Variants in CDKAL1 observed in about 807,000 individuals in gnomAD.
The protein encoded by CDKAL1 is threonylcarbamoyladenosine tRNA methylthiotransferase.
Under a neutral mutation model 68.2 loss-of-function variants are expected in CDKAL1, and 32 were observed. That is an observed-to-expected ratio of 0.47 (90% confidence interval 0.35 to 0.63). The LOEUF is 0.63. CDKAL1 is among the 30% of genes least tolerant of loss of function. The pLI, the probability that CDKAL1 is intolerant of heterozygous loss-of-function variation, is 0.00. For missense variants in CDKAL1, 606 were observed against 696.7 expected, an observed-to-expected ratio of 0.87 and a Z score of 1.47; for synonymous variants, 234 against 244.3, an observed-to-expected ratio of 0.96 and a Z score of 0.39.
At chr6:20,540,935 C>T (rs58761454) in intron 2 of CDKAL1, among the ~76,000 whole-genome samples, 35,734 of 152,060 alleles carry the variant, frequency 0.23, 5,116 homozygotes, top group East Asian at 0.53. Context: ...GTGCCTGAAA[C>T]TAGAGAAGAG....
At chr6:20,740,374 C>A (rs1029613538) in intron 6 of CDKAL1, among the ~76,000 whole-genome samples, 8 of 151,978 alleles carry the variant, frequency 5.3e-5, no homozygotes, top group African/African-American at 1.9e-4. Flanking sequence ...AGACTACTGT[C>A]TATTCTCTCT....
chr6:20,841,912 C>T (rs915455477), intron 8 of CDKAL1, among the ~76,000 whole-genome samples: 5 of 152,338 alleles, frequency 3.3e-5, no homozygotes, highest in South Asian at 2.1e-4. Context: ...TTTATCCTTG[C>T]ATCAGGACAG....
chr6:20,661,750 A>G (rs893541826), intron 5 of CDKAL1, among the ~76,000 whole-genome samples: 1 of 152,150 alleles, frequency 6.6e-6, no homozygotes, highest in African/African-American at 2.4e-5. Flanking sequence ...GAAGACTAGT[A>G]TTTTGCATAT....
At chr6:20,613,656 T>C (rs181800759) in intron 4 of CDKAL1, among the ~76,000 whole-genome samples, 16 of 148,534 alleles carry the variant, frequency 1.1e-4, no homozygotes, top group African/African-American at 3.9e-4. Context: ...ACAGTAAATA[T>C]TTATATATTT....
rs991384827 is a variant in CDKAL1 at position 20,900,105 on chromosome 6, A to G, written c.742+53927A>G. 4.1e-4 allele frequency among the ~76,000 whole-genome samples: 63 copies of G among 152,312 alleles called. 1 individual carries two copies. The highest frequency in any genetic ancestry group is 1.4e-3 in the African/African-American group (58 of 41,580). On this transcript the variant is annotated intron_variant, in intron 9 of 15. Coordinates refer to ENST00000274695, the MANE Select transcript of CDKAL1 (RefSeq NM_017774.3). ...CACCTTCTCAGTATTCTAGTCTTCA[A>G]CTTTTTACCCGTAATAACTTTTATT...
chr6:20,817,897 C>T (rs1777111443), intron 8 of CDKAL1, among the ~76,000 whole-genome samples: 1 of 152,124 alleles, frequency 6.6e-6, no homozygotes, highest in Non-Finnish European at 1.5e-5. Flanking sequence ...TCAAGGAATG[C>T]TTTATGATAA....
chr6:20,772,328 A>G (rs1219911923), intron 7 of CDKAL1, among the ~76,000 whole-genome samples: 1 of 152,182 alleles, frequency 6.6e-6, no homozygotes, highest in African/African-American at 2.4e-5. Flanking sequence ...GAGTTCTACT[A>G]AGGGTCAATA....
intron 7 of CDKAL1, among the ~76,000 whole-genome samples, chr6:20,766,684 G>A (rs1774719037): frequency 6.6e-6 from 1 of 152,126 alleles, no homozygotes; most frequent in African/African-American, 2.4e-5. Context: ...GTTAACATGA[G>A]CAAATATATG....
At chr6:20,996,105 A>G (rs1428851982) in intron 10 of CDKAL1, among the ~76,000 whole-genome samples, 1 of 152,194 alleles carries the variant, frequency 6.6e-6, no homozygotes, top group Admixed American at 6.5e-5. Flanking sequence ...CCTCACTTCA[A>G]TCAGCCTTTA....
chr6:20,874,658 C>A (rs1282606026), intron 9 of CDKAL1, among the ~76,000 whole-genome samples: 1 of 151,968 alleles, frequency 6.6e-6, no homozygotes. Context: ...TAAGCCACCA[C>A]ACCCAGCTGA....
intron 11 of CDKAL1, among the ~76,000 whole-genome samples, chr6:21,036,819 G>A (rs1021302532): frequency 9.9e-5 from 15 of 152,136 alleles, no homozygotes; most frequent in African/African-American, 3.4e-4. Flanking sequence ...ACTTAGCAGC[G>A]TTGGTGACAT....
At chr6:21,135,387 T>G (rs1775540470) in intron 13 of CDKAL1, among the ~76,000 whole-genome samples, 1 of 152,210 alleles carries the variant, frequency 6.6e-6, no homozygotes, top group Admixed American at 6.5e-5. Context: ...TACTGTCATT[T>G]TTATTGATTA....
intron 9 of CDKAL1, among the ~76,000 whole-genome samples, chr6:20,927,759 T>C (rs1311837206): frequency 1.3e-5 from 2 of 152,152 alleles, no homozygotes; most frequent in Non-Finnish European, 2.9e-5. Flanking sequence ...TGTTTTTTTT[T>C]CCCCCAAAGT....
chr6:20,536,576 T>C (rs1202695311), intron 2 of CDKAL1, among the ~76,000 whole-genome samples: 3 of 152,332 alleles, frequency 2.0e-5, no homozygotes, highest in South Asian at 2.1e-4. Flanking sequence ...TATGAAAGAA[T>C]AATTCTGGGA....
chr6:21,081,457 T>A (rs888217846), intron 12 of CDKAL1, among the ~76,000 whole-genome samples: 49 of 152,204 alleles, frequency 3.2e-4, no homozygotes, highest in African/African-American at 1.1e-3. Context: ...TGAACTTGAT[T>A]TATTAAAATT....
At chr6:20,836,091 G>A (rs567229072) in intron 8 of CDKAL1, among the ~76,000 whole-genome samples, 1 of 152,172 alleles carries the variant, frequency 6.6e-6, no homozygotes, top group South Asian at 2.1e-4. Flanking sequence ...GATGAAAAAG[G>A]AAAGCAGGAG....
At chr6:21,043,449 C>T (rs909735116) in intron 11 of CDKAL1, among the ~76,000 whole-genome samples, 1 of 152,052 alleles carries the variant, frequency 6.6e-6, no homozygotes, top group Non-Finnish European at 1.5e-5. Context: ...GCTGTTTCTT[C>T]ATTTCCATTT....
At chr6:21,161,152 C>A (rs941937590) in intron 13 of CDKAL1, among the ~76,000 whole-genome samples, 2 of 152,134 alleles carry the variant, frequency 1.3e-5, no homozygotes, top group African/African-American at 4.8e-5. Context: ...ACTTTGCTGT[C>A]CTGAGTTAAA....
At chr6:21,025,574 T>A (rs1469129285) in intron 11 of CDKAL1, among the ~76,000 whole-genome samples, 1 of 152,150 alleles carries the variant, frequency 6.6e-6, no homozygotes, top group Non-Finnish European at 1.5e-5. Context: ...GGTAGGAATG[T>A]AATAAGTAGT....
Sources: gnomAD v4.1 joint callset for allele counts (sites outside exome capture counted in the v4.1 genomes callset) on GRCh38, gnomAD v4.1.1 for gene constraint, MANE v1.5 for transcripts, NCBI Gene and HGNC (gene_info 2026-07-23, HGNC 2026-07-21) for gene names.